Variants in CUBN observed in about 807,000 individuals in gnomAD.
CUBN encodes the protein 460 kDa receptor.
In CUBN, 282 loss-of-function variants were observed where a neutral mutation model predicts 405.3. That is an observed-to-expected ratio of 0.70 (90% CI 0.63 to 0.77). CUBN has a LOEUF of 0.77. Among genes scored for constraint, CUBN ranks in the 30% least tolerant of loss-of-function variants. CUBN has a pLI of 0.00. For synonymous variants in CUBN, 1,684 were observed against 1,617.0 expected, an observed-to-expected ratio of 1.04 and a Z score of -0.99; for missense variants, 4,514 against 4,475.2, an observed-to-expected ratio of 1.01 and a Z score of -0.25.
chr10:16,868,553 A>G (rs541243562), intron 59 of CUBN, among the ~76,000 whole-genome samples: 1 of 152,344 alleles, frequency 6.6e-6, no homozygotes, highest in East Asian at 1.9e-4. Context: ...CCAGAGTCGA[A>G]TATTAATGAT....
chr10:16,974,637 C>T (rs1389752849), intron 31 of CUBN, among the ~76,000 whole-genome samples: 2 of 152,130 alleles, frequency 1.3e-5, no homozygotes, highest in African/African-American at 4.8e-5. Flanking sequence ...TCCTAAAGTG[C>T]TGGGATTACA....
At chr10:16,974,146 A>G (rs115338121) in intron 31 of CUBN, among the ~76,000 whole-genome samples, 140 of 152,224 alleles carry the variant, frequency 9.2e-4, no homozygotes, top group African/African-American at 3.2e-3. Context: ...ATACCTAACA[A>G]TAAATCTGAC....
rs1265280785 is a variant in CUBN at position 16,840,482 on chromosome 10, G to T, written c.9880C>A (p.Pro3294Thr). 1 of 1,613,412 alleles carries T rather than the reference G, an allele frequency of 6.2e-7. No homozygotes were observed. The highest frequency in any genetic ancestry group is 8.5e-7 in the Non-Finnish European group (1 of 1,179,658). ...ATWTPQNISS[P>T]NSSDPDVPFS... ...GGGACATCTGGGTCTGATGAATTGG[G>T]TGATGAAATATTTTGTGGGGTCCAA... The change falls in exon 62 of 67, where the codon CCC (proline) becomes ACC (threonine). Residue 3294 changes from proline to threonine, a missense_variant. Pro to Thr is a conservative substitution (Grantham distance 38). Coordinates refer to ENST00000377833, the MANE Select transcript of CUBN (RefSeq NM_001081.4).
chr10:17,079,109 A>G (rs1835916345), intron 17 of CUBN, among the ~76,000 whole-genome samples: 1 of 152,132 alleles, frequency 6.6e-6, no homozygotes, highest in South Asian at 2.1e-4. Flanking sequence ...TTCCTTCACT[A>G]AAAAGCATCA....
Position 16,888,542 on chromosome 10 carries a change from G to C in CUBN, c.8780C>G (p.Pro2927Arg). The C allele has an allele frequency of 6.2e-7, 1 of 1,613,666 alleles. No individual in the cohort carries two copies. Among genetic ancestry groups the C allele is most frequent in the Non-Finnish European group, 8.5e-7 (1 of 1,179,758 alleles). The stretch of plus-strand genomic sequence containing the variant: ...ATTTGGAGAAATGATGTAACCTGAA[G>C]GGCCAGTGAAATTACTTCCACATCC... ...VSRCGSNFTG[P>R]SGYIISPNYP... Residue 2927 changes from proline (P) to arginine (R), a missense_variant, in exon 56 of 67, where the codon CCT (proline) becomes CGT (arginine). Transcript: ENST00000377833.
intron 22 of CUBN, among the ~76,000 whole-genome samples, chr10:17,059,777 T>G (rs919063282): frequency 2.0e-5 from 3 of 152,198 alleles, no homozygotes; most frequent in Non-Finnish European, 4.4e-5. Flanking sequence ...TTGCTTTTTC[T>G]TTTCCCTCTC....
rs748766507 is a variant in CUBN, at chr10:16,947,272, CG to C, written c.5304del (p.Ile1768MetfsTer81). The C allele has an allele frequency of 1.9e-6, 3 of 1,613,916 alleles. No individual in the cohort carries two copies. The highest frequency in any genetic ancestry group is 2.5e-6 in the Non-Finnish European group (3 of 1,179,950). On this transcript the variant is annotated frameshift_variant, in exon 36 of 67. Transcript: ENST00000377833. LOFTEE classifies it high-confidence loss of function. Reference protein sequence around the residue: ...YPPNVECVWNIVSSPGNRLQL... With the variant: ...YPPNVECVWNXVSSPGNRLQL... Reference sequence around the variant, plus strand: ...TGGAGCCGGTTGCCAGGGGAACTGACGATGTTCCAGACACATTCCACATTAG... The same window carrying C: ...TGGAGCCGGTTGCCAGGGGAACTGACATGTTCCAGACACATTCCACATTAG...
intron 63 of CUBN, 32 bp from the exon 64 acceptor site, chr10:16,835,227 G>C: frequency 1.3e-6 from 2 of 1,527,300 alleles, no homozygotes; most frequent in Non-Finnish European, 1.8e-6. Context: ...ATTAATGTAC[G>C]CATTCCAATA....
rs74845795 is a variant in CUBN at position 16,833,966 on chromosome 10, T to G, written c.10362+1048A>C. 9.3e-3 allele frequency among the ~76,000 whole-genome samples: 1,416 copies of G among 152,308 alleles called. 27 individuals are homozygous for G. The highest frequency in any genetic ancestry group is 0.032 in the African/African-American group (1,329 of 41,572). On this transcript the variant is annotated intron_variant, in intron 64 of 66. Transcript: ENST00000377833. Reference sequence around the variant, plus strand: ...TTGGAAACTTTACTGAAGACTCTTGTGTGGTACAAAGCCAGTTTAGAGACG... The same window carrying G: ...TTGGAAACTTTACTGAAGACTCTTGGGTGGTACAAAGCCAGTTTAGAGACG...
At chr10:17,034,764 C>A (rs1365987574) in intron 27 of CUBN, among the ~76,000 whole-genome samples, 1 of 152,062 alleles carries the variant, frequency 6.6e-6, no homozygotes, top group East Asian at 1.9e-4. Flanking sequence ...ACTAATGTAC[C>A]AAAAGAGATC....
At chr10:16,977,111 C>G (rs371441264) in intron 31 of CUBN, among the ~76,000 whole-genome samples, 11 of 152,156 alleles carry the variant, frequency 7.2e-5, no homozygotes, top group Admixed American at 2.6e-4. Context: ...TATATTGTCC[C>G]CTCAAGTACA....
rs188983527 is a variant in CUBN at position 17,125,444 on chromosome 10, C to T, written c.387+1317G>A. ...ACACGTCTGGGGGTCTCTTTATGAA[C>T]CCTGTTTTATTCCATTATTCTATTT... On this transcript the variant is annotated intron_variant, in intron 4 of 66. Transcript: ENST00000377833. Among the ~76,000 whole-genome samples the T allele has an allele frequency of 1.1e-4, 16 of 152,246 alleles. 1 individual carries two copies. Among genetic ancestry groups the T allele is most frequent in the Middle Eastern group, 3.4e-3 (1 of 294 alleles).
intron 27 of CUBN, among the ~76,000 whole-genome samples, chr10:17,023,049 G>C (rs900028734): frequency 6.6e-6 from 1 of 152,172 alleles, no homozygotes; most frequent in Non-Finnish European, 1.5e-5. Context: ...TTGCCTGTCA[G>C]CTCTGCAAGA....
chr10:17,019,881 C>T lies in CUBN; in HGVS notation c.4120G>A (p.Gly1374Arg). Residue 1374 changes from glycine to arginine, a missense_variant, in exon 28 of 67, where the codon GGG becomes AGG. Transcript: ENST00000377833. ...AATCCTTTCTCACGGCGGCCAACCC[C>T]ATCTGTAAGGAGCAGCACTTGAAGC... ...SKLQVLLLTD[G>R]VGRREKGFQM... 6.2e-7 allele frequency: 1 copy of T among 1,614,164 alleles called. No homozygotes were observed. The highest frequency in any genetic ancestry group is 8.5e-7 in the Non-Finnish European group (1 of 1,180,008).
intron 58 of CUBN, among the ~76,000 whole-genome samples, chr10:16,871,184 T>C (rs1322039795): frequency 6.6e-6 from 1 of 151,748 alleles, no homozygotes; most frequent in Non-Finnish European, 1.5e-5. Context: ...TCCACCACCA[T>C]GCCTGGCTAT....
chr10:17,029,365 TA>T (rs952767785), intron 27 of CUBN, among the ~76,000 whole-genome samples: 14 of 152,202 alleles, frequency 9.2e-5, no homozygotes, highest in Admixed American at 6.5e-5. Flanking sequence ...TTTTTATAAC[TA>T]AAAAATCACA....
intron 59 of CUBN, among the ~76,000 whole-genome samples, chr10:16,860,602 C>T (rs1311650256): frequency 6.6e-6 from 1 of 152,206 alleles, no homozygotes; most frequent in Middle Eastern, 3.2e-3. Flanking sequence ...CAAAACCCAA[C>T]ATTTTTATTA....
chr10:16,970,174 C>A (rs1434436429), intron 31 of CUBN, among the ~76,000 whole-genome samples: 2 of 152,234 alleles, frequency 1.3e-5, no homozygotes, highest in Non-Finnish European at 2.9e-5. Flanking sequence ...GAAACCCTGA[C>A]CTCCTGACTT....
intron 51 of CUBN, among the ~76,000 whole-genome samples, chr10:16,902,099 A>G (rs1349063173): frequency 7.3e-6 from 1 of 137,858 alleles, no homozygotes; most frequent in Non-Finnish European, 1.5e-5. Context: ...GTATATATAT[A>G]TACACACACA....
Sources: gnomAD v4.1 joint callset for allele counts (sites outside exome capture counted in the v4.1 genomes callset) on GRCh38, gnomAD v4.1.1 for gene constraint, MANE v1.5 for transcripts, NCBI Gene and HGNC (gene_info 2026-07-23, HGNC 2026-07-21) for gene names.